The following TRAF3 variants were observed in gnomAD, a reference collection of about 807,000 sequenced individuals.
The protein encoded by TRAF3 is TNF receptor-associated factor 3.
In TRAF3, 13 loss-of-function variants were observed where a neutral mutation model predicts 62.3. The ratio of observed to expected loss-of-function variants is 0.21; its 90% confidence interval spans 0.14 to 0.33. The LOEUF (loss-of-function observed/expected upper bound fraction) is 0.33. Among genes scored for constraint, TRAF3 ranks in the 10% least tolerant of loss-of-function variants. The pLI is 1.00. For missense variants in TRAF3, 440 were observed against 741.8 expected, an observed-to-expected ratio of 0.59 and a Z score of 4.73; for synonymous variants, 269 against 283.4, an observed-to-expected ratio of 0.95 and a Z score of 0.51.
chr14:102,876,708 A>T, intron 6 of TRAF3, 183 bp downstream of exon 6: 1 of 740,586 alleles, frequency 1.4e-6, no homozygotes, highest in Non-Finnish European at 2.2e-6. Flanking sequence ...CGCTCAATTC[A>T]TAGATAATCC....
At chr14:102,829,011 T>G (rs1295266205) in intron 1 of TRAF3, among the ~76,000 whole-genome samples, 1 of 152,238 alleles carries the variant, frequency 6.6e-6, no homozygotes, top group African/African-American at 2.4e-5. Flanking sequence ...AAGAGCATTT[T>G]CAGATGTGTG....
intron 7 of TRAF3, among the ~76,000 whole-genome samples, chr14:102,886,652 A>G (rs1889408254): frequency 6.6e-6 from 1 of 152,122 alleles, no homozygotes; most frequent in Non-Finnish European, 1.5e-5. Context: ...GCTATTCAGG[A>G]GGCCGAGGCA....
At chr14:102,829,751 T>C (rs1344297662) in intron 1 of TRAF3, among the ~76,000 whole-genome samples, 24 of 152,210 alleles carry the variant, frequency 1.6e-4, no homozygotes, top group Admixed American at 1.6e-3. Context: ...GAAAGACCCA[T>C]GTTTAAAATG....
chr14:102,839,450 C>G (rs561550214), intron 2 of TRAF3, among the ~76,000 whole-genome samples: 1 of 152,228 alleles, frequency 6.6e-6, no homozygotes, highest in Non-Finnish European at 1.5e-5. Flanking sequence ...AAACTCCTCA[C>G]CTCAAGTGAT....
intron 1 of TRAF3, among the ~76,000 whole-genome samples, chr14:102,805,564 A>G (rs1250664219): frequency 6.6e-6 from 1 of 152,028 alleles, no homozygotes; most frequent in Non-Finnish European, 1.5e-5. Context: ...GCCCAAGACT[A>G]CTGTTGGGTT....
In TRAF3 at chr14:102,853,420, C is replaced by T. The variant is rs961940475; in HGVS notation, c.-17-16765C>T. Among the ~76,000 whole-genome samples, 12 of 152,072 alleles carry T rather than the reference C, an allele frequency of 7.9e-5. 1 individual carries two copies. The highest frequency in any genetic ancestry group is 1.3e-4 in the Admixed American group (2 of 15,260). On this transcript the variant is annotated intron_variant, in intron 2 of 11. Coordinates refer to ENST00000392745, the MANE Select transcript of TRAF3 (RefSeq NM_145725.3). ...GATTCAGGAATCTGGATGTTCCCCC[C>T]ACCACCGTTTTTTACCCCACGAAAA...
intron 7 of TRAF3, among the ~76,000 whole-genome samples, chr14:102,887,810 T>C (rs1479397733): frequency 3.3e-5 from 5 of 152,154 alleles, no homozygotes; most frequent in Non-Finnish European, 7.3e-5. Context: ...TTAGCCAGCA[T>C]GGTCTCCGTC....
rs1890569381 is a variant in TRAF3, at chr14:102,906,003, C to T, written c.*219C>T. ...TCACTCTGAAGAATTATTTATCCTT[C>T]AACAAGATAAATATTGCTGTCAGAG... is the stretch of plus-strand genomic sequence containing the variant. On this transcript the variant is annotated 3_prime_UTR_variant, in exon 12 of 12. Coordinates refer to ENST00000392745, the MANE Select transcript of TRAF3 (RefSeq NM_145725.3). 4.2e-5 allele frequency: 20 copies of T among 474,204 alleles called. 2 individuals carry two copies. The South Asian group carries it at 8.8e-4, about 21-fold the overall frequency. 29.4% of individuals were successfully genotyped at this position (474,204 alleles called of 1,614,324 possible).
intron 2 of TRAF3, among the ~76,000 whole-genome samples, chr14:102,867,875 C>T (rs923821238): frequency 6.6e-6 from 1 of 152,222 alleles, no homozygotes; most frequent in African/African-American, 2.4e-5. Flanking sequence ...CAGTTATGTT[C>T]TATGAAGCTA....
chr14:102,893,148 G>A (rs1256930642), intron 9 of TRAF3, among the ~76,000 whole-genome samples: 2 of 152,006 alleles, frequency 1.3e-5, no homozygotes, highest in African/African-American at 4.8e-5. Flanking sequence ...CAGCACTTTG[G>A]GAGGCCGAGG....
intron 1 of TRAF3, among the ~76,000 whole-genome samples, chr14:102,778,576 C>A (rs1227819674): frequency 6.8e-6 from 1 of 147,788 alleles, no homozygotes. Flanking sequence ...ACATGTGATG[C>A]GTGGTGCGTG....
At chr14:102,836,683 A>G (rs1347340182) in intron 2 of TRAF3, among the ~76,000 whole-genome samples, 1 of 152,216 alleles carries the variant, frequency 6.6e-6, no homozygotes, top group Non-Finnish European at 1.5e-5. Context: ...TATGAAGTAA[A>G]TTTATTCTAG....
chr14:102,806,299 G>T (rs956813703), intron 1 of TRAF3, among the ~76,000 whole-genome samples: 3 of 152,134 alleles, frequency 2.0e-5, no homozygotes, highest in South Asian at 2.1e-4. Flanking sequence ...CATAAGGTGA[G>T]GTACTTTCTA....
At chr14:102,830,045 C>T (rs1384918007) in intron 1 of TRAF3, among the ~76,000 whole-genome samples, 1 of 152,144 alleles carries the variant, frequency 6.6e-6, no homozygotes, top group African/African-American at 2.4e-5. Context: ...ATCTTGATGG[C>T]CAGAGACTGA....
intron 1 of TRAF3, among the ~76,000 whole-genome samples, chr14:102,824,220 C>G (rs1385519966): frequency 6.6e-6 from 1 of 152,118 alleles, no homozygotes; most frequent in Non-Finnish European, 1.5e-5. Flanking sequence ...CTTGTTTGAC[C>G]TTTGTTGCTG....
In TRAF3 at chr14:102,906,761, T is replaced by G. The variant is rs147370186; in HGVS notation, c.*977T>G. 1 of 152,340 alleles carries G rather than the reference T, an allele frequency of 6.6e-6. No homozygotes were observed. Among genetic ancestry groups the G allele is most frequent in the Non-Finnish European group, 1.5e-5 (1 of 68,020 alleles). 9.4% of individuals were successfully genotyped at this position (152,340 alleles called of 1,614,324 possible). Reference sequence around the variant, plus strand: ...CTCTCTGTTGCTGACAGCACCGGCCTTCGGTCTCCATGTCAGGGGTGGGCG... The same window carrying G: ...CTCTCTGTTGCTGACAGCACCGGCCGTCGGTCTCCATGTCAGGGGTGGGCG... On this transcript the variant is annotated 3_prime_UTR_variant, in exon 12 of 12. Transcript: ENST00000392745.
chr14:102,902,020 T>A (rs766353763), intron 10 of TRAF3, among the ~76,000 whole-genome samples: 3 of 152,260 alleles, frequency 2.0e-5, no homozygotes, highest in Non-Finnish European at 2.9e-5. Context: ...CCTGGCTTCA[T>A]CTCACAGGTG....
At chr14:102,799,278 G>A (rs1352942417) in intron 1 of TRAF3, among the ~76,000 whole-genome samples, 2 of 152,140 alleles carry the variant, frequency 1.3e-5, no homozygotes, top group South Asian at 2.1e-4. Flanking sequence ...TTGACACAGC[G>A]GGAGGAACCA....
chr14:102,853,786 C>G (rs1405840300), intron 2 of TRAF3, among the ~76,000 whole-genome samples: 1 of 150,182 alleles, frequency 6.7e-6, no homozygotes, highest in Non-Finnish European at 1.5e-5. Flanking sequence ...TGCAGTGAGC[C>G]GAGATTGCGG....
Sources: gnomAD v4.1 joint callset for allele counts (sites outside exome capture counted in the v4.1 genomes callset) on GRCh38, gnomAD v4.1.1 for gene constraint, MANE v1.5 for transcripts, NCBI Gene and HGNC (gene_info 2026-07-23, HGNC 2026-07-21) for gene names.